TPRG1: variants seen among roughly 807,000 people sequenced by gnomAD.
The protein encoded by TPRG1 is tumor protein p63 regulated 1.
Under a neutral mutation model 29.3 loss-of-function variants are expected in TPRG1, and 29 were observed. The observed-to-expected ratio is 0.99, with a 90% CI of 0.74 to 1.35. TPRG1 has a LOEUF of 1.35. Ranked by LOEUF, TPRG1 falls within the 40% of genes most tolerant of loss-of-function variation. TPRG1 has a pLI of 0.00. For synonymous variants in TPRG1, 130 were observed against 116.8 expected, an observed-to-expected ratio of 1.11 and a Z score of -0.73; for missense variants, 327 against 335.0, an observed-to-expected ratio of 0.98 and a Z score of 0.19.
intron 3 of TPRG1, among the ~76,000 whole-genome samples, chr3:189,136,039 C>A (rs942628641): frequency 6.6e-6 from 1 of 152,122 alleles, no homozygotes; most frequent in Non-Finnish European, 1.5e-5. Context: ...TGTGTTTGTG[C>A]CTATCTACCA....
At chr3:189,190,702 A>G (rs1731563285) in intron 1 of TPRG1, among the ~76,000 whole-genome samples, 1 of 152,196 alleles carries the variant, frequency 6.6e-6, no homozygotes, top group Non-Finnish European at 1.5e-5. Flanking sequence ...GTGTAGAGTA[A>G]GCAGGCCTGG....
At chr3:189,082,129 G>A (rs532386677) in intron 4 of TPRG1, among the ~76,000 whole-genome samples, 2 of 152,232 alleles carry the variant, frequency 1.3e-5, no homozygotes, top group South Asian at 4.1e-4. Context: ...GATAAGAGAG[G>A]GACACACAAG....
chr3:189,272,078 C>T (rs1206910660), intron 4 of TPRG1, among the ~76,000 whole-genome samples: 1 of 152,140 alleles, frequency 6.6e-6, no homozygotes, highest in Non-Finnish European at 1.5e-5. Context: ...GCACAGATGT[C>T]CCACATGATA....
At chr3:189,078,312 ATT>A (rs1313737716) in intron 4 of TPRG1, among the ~76,000 whole-genome samples, 1 of 151,196 alleles carries the variant, frequency 6.6e-6, no homozygotes, top group Non-Finnish European at 1.5e-5. Flanking sequence ...TAATTTTTGT[ATT>A]TTTAGTAGAG....
At chr3:189,149,108 T>C (rs1725620632) in intron 4 of TPRG1, among the ~76,000 whole-genome samples, 1 of 152,160 alleles carries the variant, frequency 6.6e-6, no homozygotes. Context: ...TTCTCAAGAT[T>C]CCATTTATGG....
intron 3 of TPRG1, among the ~76,000 whole-genome samples, chr3:189,144,023 A>G (rs1724923327): frequency 6.6e-6 from 1 of 152,210 alleles, no homozygotes; most frequent in South Asian, 2.1e-4. Flanking sequence ...CCACAGTCTA[A>G]TGACCAGATC....
At chr3:189,051,362 A>G (rs917677516) in intron 4 of TPRG1, among the ~76,000 whole-genome samples, 10 of 152,142 alleles carry the variant, frequency 6.6e-5, no homozygotes, top group African/African-American at 2.4e-4. Flanking sequence ...ACAAACAAAA[A>G]ACCACCTTAG....
intron 2 of TPRG1, among the ~76,000 whole-genome samples, chr3:189,212,758 A>G (rs1043381256): frequency 6.6e-6 from 1 of 152,196 alleles, no homozygotes; most frequent in African/African-American, 2.4e-5. Context: ...CAAGTGTCTG[A>G]GTCTGCAGAG....
At chr3:189,075,378 A>C (rs1473454486) in intron 4 of TPRG1, among the ~76,000 whole-genome samples, 3 of 151,886 alleles carry the variant, frequency 2.0e-5, no homozygotes. Flanking sequence ...CAGGTGATCC[A>C]CCCACCTCGG....
At chr3:189,316,970 T>C (rs886963154) in intron 5 of TPRG1, among the ~76,000 whole-genome samples, 3 of 152,112 alleles carry the variant, frequency 2.0e-5, no homozygotes, top group African/African-American at 7.2e-5. Context: ...TCTGTAACCA[T>C]GCCCTCCCCT....
chr3:189,312,103 T>TCTCTCTCTCTCTCTC lies in TPRG1; in HGVS notation c.633+1564_633+1565insCTCTCTCTCTCTCTC, dbSNP rs1560688768. ...TATGTTTCTTTCTTTCTTTGTTTCT[T>TCTCTCTCTCTCTCTC]TGTTTCTTTCTTTGTTTCTTTCTTT... On this transcript the variant is annotated intron_variant, in intron 5 of 5. Transcript: ENST00000345063. Among the ~76,000 whole-genome samples the TCTCTCTCTCTCTCTC allele has an allele frequency of 3.5e-4, 24 of 69,472 alleles. 5 individuals are homozygous for TCTCTCTCTCTCTCTC. The highest frequency in any genetic ancestry group is 5.0e-4 in the Non-Finnish European group (16 of 31,722). The allele number at this position is 69,472 out of a possible 152,430, so 45.6% of individuals were successfully genotyped here.
chr3:189,299,092 T>A (rs959203143), intron 4 of TPRG1, among the ~76,000 whole-genome samples: 1 of 152,026 alleles, frequency 6.6e-6, no homozygotes, highest in Non-Finnish European at 1.5e-5. Flanking sequence ...TTTTTTTACT[T>A]AGTTATTCTG....
At chr3:189,029,718 G>A (rs1713837657) in intron 4 of TPRG1, among the ~76,000 whole-genome samples, 1 of 152,172 alleles carries the variant, frequency 6.6e-6, no homozygotes. Flanking sequence ...GAGGTGTTTG[G>A]ATCCTGGGGG....
At chr3:189,316,465 G>A (rs1262323896) in intron 5 of TPRG1, among the ~76,000 whole-genome samples, 1 of 152,150 alleles carries the variant, frequency 6.6e-6, no homozygotes, top group Admixed American at 6.5e-5. Context: ...CAGCTCAACT[G>A]AGGAATGTGG....
chr3:189,287,030 G>A (rs1190830707), intron 4 of TPRG1, among the ~76,000 whole-genome samples: 2 of 152,022 alleles, frequency 1.3e-5, no homozygotes, highest in African/African-American at 4.8e-5. Flanking sequence ...GATGGCTCAC[G>A]GAGGGCAGCA....
chr3:189,085,569 G>T (rs1055750536), intron 4 of TPRG1, among the ~76,000 whole-genome samples: 4 of 152,052 alleles, frequency 2.6e-5, no homozygotes, highest in Non-Finnish European at 4.4e-5. Flanking sequence ...TCTTTCCTGG[G>T]AGAGTCCTAA....
chr3:189,049,719 A>C (rs1390116586), intron 4 of TPRG1, among the ~76,000 whole-genome samples: 1 of 152,022 alleles, frequency 6.6e-6, no homozygotes. Context: ...TAAACCACCA[A>C]AGCTAAGGAC....
intron 5 of TPRG1, among the ~76,000 whole-genome samples, chr3:189,164,095 G>T (rs952855477): frequency 2.0e-5 from 3 of 152,048 alleles, no homozygotes; most frequent in African/African-American, 7.3e-5. Flanking sequence ...TAAAAGAGAA[G>T]ATTCTTTTAT....
At chr3:189,320,115 C>A (rs957827959) in intron 5 of TPRG1, among the ~76,000 whole-genome samples, 7 of 151,980 alleles carry the variant, frequency 4.6e-5, no homozygotes, top group African/African-American at 1.7e-4. Context: ...TATTTTTTGT[C>A]TGCAATCACG....
Sources: allele counts gnomAD v4.1 joint callset (sites outside exome capture counted in the v4.1 genomes callset), GRCh38; gene constraint gnomAD v4.1.1; transcripts MANE v1.5; gene names NCBI Gene and HGNC (gene_info 2026-07-23, HGNC 2026-07-21).